The following PCNX1 variants were observed in gnomAD, a reference collection of about 807,000 sequenced individuals.
PCNX1 encodes pecanex-like protein 1.
PCNX1 carries 78 observed loss-of-function variants against 242.2 expected under a neutral mutation model. The ratio of observed to expected loss-of-function variants is 0.32; its 90% CI spans 0.27 to 0.39. PCNX1 has a LOEUF of 0.39. PCNX1 is among the 10% of genes least tolerant of loss of function. The pLI, the probability that PCNX1 is intolerant of heterozygous loss-of-function variation, is 1.00. For missense variants in PCNX1, 2,581 were observed against 2,856.5 expected (o/e 0.90, Z 2.20); for synonymous variants, 1,024 against 1,032.9 (o/e 0.99, Z 0.17).
chr14:70,985,039 AATGGACCAG>A (rs2058958127), intron 6 of PCNX1, among the ~76,000 whole-genome samples: 1 of 152,194 alleles, frequency 6.6e-6, no homozygotes, highest in East Asian at 1.9e-4. Context: ...TATCTTCAGG[AATGGACCAG>A]ATCACAGCTG....
At chr14:71,001,761 T>C (rs920156026) in intron 8 of PCNX1, among the ~76,000 whole-genome samples, 1 of 152,226 alleles carries the variant, frequency 6.6e-6, no homozygotes, top group Admixed American at 6.5e-5. Context: ...CCAAAATCAT[T>C]GAAATGAAAG....
At chr14:70,930,524 G>A (rs192122729) in intron 1 of PCNX1, among the ~76,000 whole-genome samples, 2 of 152,158 alleles carry the variant, frequency 1.3e-5, no homozygotes, top group African/African-American at 4.8e-5. Flanking sequence ...TGTAGGTTAT[G>A]GAGTGACAAA....
intron 5 of PCNX1, among the ~76,000 whole-genome samples, chr14:70,974,989 G>A (rs892126357): frequency 6.6e-6 from 1 of 152,052 alleles, no homozygotes; most frequent in Admixed American, 6.6e-5. Context: ...AAAAGTGCAT[G>A]TATTAAAGTA....
chr14:71,010,486 C>T (rs1248336185), intron 9 of PCNX1, among the ~76,000 whole-genome samples: 2 of 152,002 alleles, frequency 1.3e-5, no homozygotes, highest in East Asian at 3.8e-4. Context: ...AAATATGTCT[C>T]ATACGTTACC....
chr14:71,011,510 A>T lies in PCNX1; in HGVS notation c.2739A>T (p.Val913=), dbSNP rs1199470246. ...ATTTTAGTGACACAGATTCTCATGT[A>T]TCCAGTTCTACCTCAGTTCGATTTT... ...ASNICDTDSH[V]SSSTSVRFYP... The change falls in exon 10 of 36, where the codon GTA becomes GTT. Residue 913 remains valine, a synonymous_variant. Transcript: ENST00000304743. 6.4e-7 allele frequency: 1 copy of T among 1,570,230 alleles called. No homozygotes were observed. Among genetic ancestry groups the T allele is most frequent in the Non-Finnish European group, 8.8e-7 (1 of 1,142,052 alleles).
Position 70,948,536 on chromosome 14 carries a change from T to C in PCNX1, c.362+1413T>C, listed in dbSNP as rs938754274. Among the ~76,000 whole-genome samples, 5 of 152,196 alleles carry C rather than the reference T, an allele frequency of 3.3e-5. No individual in the cohort carries two copies. In the East Asian group the frequency reaches 7.7e-4, roughly 24 times the overall value. ...GGCTTATAAATCTCAGCATTTATTTTTATTTACTCATATAAATAAAATGTA... is the reference window on the plus strand; with the variant it reads ...GGCTTATAAATCTCAGCATTTATTTCTATTTACTCATATAAATAAAATGTA... On this transcript the variant is annotated intron_variant, in intron 2 of 35. Transcript: ENST00000304743.
rs2055608824 is a variant in PCNX1, at chr14:70,907,497, G to C, written c.-354G>C. ...TGGCCCAGGGCTGGCGGCCGGCGGG[G>C]GTCGCGGCGGCGGCAGTGGGGGCGC... On this transcript the variant is annotated 5_prime_UTR_variant, in exon 1 of 36. Coordinates refer to ENST00000304743, the MANE Select transcript of PCNX1 (RefSeq NM_014982.3). 1 of 152,532 alleles carries C rather than the reference G, an allele frequency of 6.6e-6. No individual in the cohort carries two copies. The allele number at this position is 152,532 out of a possible 1,614,324, so 9.4% of individuals were successfully genotyped here.
Position 70,976,925 on chromosome 14 carries a change from A to T in PCNX1, c.605-17A>T, listed in dbSNP as rs774299924. On this transcript the variant is annotated splice_polypyrimidine_tract_variant and intron_variant, in intron 5 of 35. Coordinates refer to ENST00000304743, the MANE Select transcript of PCNX1 (RefSeq NM_014982.3). ...CATACATTTATTTTAACATTTCAAA[A>T]TATGTGTTTGAAACAGATTTGGCAG... The T allele has an allele frequency of 4.4e-6, 7 of 1,597,266 alleles. 1 individual carries two copies. The South Asian group carries it at 6.7e-5, about 15-fold the overall frequency.
intron 2 of PCNX1, among the ~76,000 whole-genome samples, chr14:70,950,006 A>T (rs1467414438): frequency 6.6e-6 from 1 of 152,178 alleles, no homozygotes; most frequent in Non-Finnish European, 1.5e-5. Context: ...TCAAGACATA[A>T]ATAATGTAAG....
At chr14:71,017,027 A>G (rs1436718970) in intron 11 of PCNX1, among the ~76,000 whole-genome samples, 1 of 152,218 alleles carries the variant, frequency 6.6e-6, no homozygotes, top group East Asian at 1.9e-4. Context: ...TAGATTACCA[A>G]CATCAAGAAT....
chr14:70,987,068 T>G (rs1453539272), intron 6 of PCNX1, among the ~76,000 whole-genome samples: 1 of 152,244 alleles, frequency 6.6e-6, no homozygotes, highest in Non-Finnish European at 1.5e-5. Flanking sequence ...GTTTCATCCT[T>G]CATCCATTGA....
intron 28 of PCNX1, among the ~76,000 whole-genome samples, chr14:71,082,025 T>A (rs1321154148): frequency 6.6e-6 from 1 of 152,200 alleles, no homozygotes; most frequent in Non-Finnish European, 1.5e-5. Flanking sequence ...AAACACTGTT[T>A]TAGCTGTGTC....
chr14:70,968,514 A>G (rs1462666777), intron 4 of PCNX1, among the ~76,000 whole-genome samples: 1 of 152,244 alleles, frequency 6.6e-6, no homozygotes, highest in African/African-American at 2.4e-5. Context: ...CCTTGAGGGA[A>G]AACAGTTTTG....
intron 29 of PCNX1, among the ~76,000 whole-genome samples, 200 bp downstream of exon 29, chr14:71,088,630 C>T (rs376109689): frequency 3.1e-4 from 47 of 152,278 alleles, no homozygotes; most frequent in African/African-American, 1.1e-3. Flanking sequence ...AAAATTCACA[C>T]GTGTGGGTAG....
chr14:70,979,505 GAATAGA>G (rs1490659087), intron 6 of PCNX1, among the ~76,000 whole-genome samples: 1 of 147,874 alleles, frequency 6.8e-6, no homozygotes, highest in Admixed American at 6.7e-5. Flanking sequence ...TCTGCTTCTT[GAATAGA>G]ATCAGAAAAA....
chr14:70,923,291 TA>T lies in PCNX1; in HGVS notation c.153+15289del, dbSNP rs775839189. ...TCACATTTACCAGTTTTCTCCATGC[TA>T]TAAAATTCTGCTCTATCAAAGGTTT... On this transcript the variant is annotated intron_variant, in intron 1 of 35. Transcript: ENST00000304743. Among the ~76,000 whole-genome samples the T allele has an allele frequency of 3.9e-5, 6 of 152,326 alleles. No individual in the cohort carries two copies. In the South Asian group the frequency reaches 1.2e-3, roughly 32 times the overall value.
intron 26 of PCNX1, among the ~76,000 whole-genome samples, chr14:71,067,124 C>T (rs557142021): frequency 4.5e-4 from 68 of 151,690 alleles, no homozygotes; most frequent in Non-Finnish European, 9.1e-4. Flanking sequence ...ATGCTGGCCT[C>T]ATAAAATGAG....
At chr14:70,931,286 G>A (rs2056789437) in intron 1 of PCNX1, among the ~76,000 whole-genome samples, 1 of 152,108 alleles carries the variant, frequency 6.6e-6, no homozygotes, top group Non-Finnish European at 1.5e-5. Context: ...CAGTAAAAAA[G>A]CTAAAACTTG....
chr14:70,967,028 T>C (rs1216623704), intron 3 of PCNX1, among the ~76,000 whole-genome samples: 1 of 151,854 alleles, frequency 6.6e-6, no homozygotes, highest in Non-Finnish European at 1.5e-5. Context: ...ACAAAGCTTT[T>C]TTTTATTGGC....
Sources: gnomAD v4.1 joint callset for allele counts (sites outside exome capture counted in the v4.1 genomes callset) on GRCh38, gnomAD v4.1.1 for gene constraint, MANE v1.5 for transcripts, NCBI Gene and HGNC (gene_info 2026-07-23, HGNC 2026-07-21) for gene names.